Variants in PTPRN2 observed in about 807,000 individuals in gnomAD.
PTPRN2 encodes the protein protein tyrosine phosphatase receptor type N2.
In PTPRN2, 74 loss-of-function variants were observed where a neutral mutation model predicts 118.8. The observed-to-expected ratio is 0.62, with a 90% CI of 0.52 to 0.76. The LOEUF (loss-of-function observed/expected upper bound fraction) is 0.76, where lower values mean the gene tolerates loss of function less well. PTPRN2 is among the 30% of genes least tolerant of loss of function. The pLI, the probability that PTPRN2 is intolerant of heterozygous loss-of-function variation, is 0.00. For synonymous variants in PTPRN2, 641 were observed against 608.0 expected (o/e 1.05, Z -0.80); for missense variants, 1,481 against 1,394.4 (o/e 1.06, Z -0.99).
chr7:158,425,119 A>G (rs1378879857), intron 2 of PTPRN2, among the ~76,000 whole-genome samples: 1 of 152,256 alleles, frequency 6.6e-6, no homozygotes, highest in Non-Finnish European at 1.5e-5. Flanking sequence ...AGAACCCAAA[A>G]CAATAGGCTG....
intron 11 of PTPRN2, among the ~76,000 whole-genome samples, chr7:158,071,243 T>C (rs1159276391): frequency 4.5e-5 from 3 of 67,386 alleles, no homozygotes; most frequent in Admixed American, 1.9e-4. Flanking sequence ...GTGGAGGTGC[T>C]CGTAGTATGG....
At chr7:157,847,751 C>A (rs1436247911) in intron 12 of PTPRN2, among the ~76,000 whole-genome samples, 1 of 135,136 alleles carries the variant, frequency 7.4e-6, no homozygotes, top group Admixed American at 7.3e-5. Context: ...CCCTCTCTCA[C>A]TCCATCATGC....
At chr7:158,521,285 A>G (rs1312434391) in intron 1 of PTPRN2, among the ~76,000 whole-genome samples, 2 of 152,220 alleles carry the variant, frequency 1.3e-5, no homozygotes, top group Admixed American at 6.5e-5. Context: ...CTGAGAAAAC[A>G]TCTAGACCAA....
At chr7:158,080,070 A>G (rs1446999693) in intron 11 of PTPRN2, among the ~76,000 whole-genome samples, 1 of 152,142 alleles carries the variant, frequency 6.6e-6, no homozygotes, top group Non-Finnish European at 1.5e-5. Context: ...TACTGAGGGC[A>G]CGAGGATATC....
In PTPRN2 at chr7:158,587,570, G is replaced by A. The variant is rs1372032664; in HGVS notation, c.100C>T (p.Pro34Ser). Reference protein sequence around the residue: ...PSSVPRGRQLPGRLGCLLEEG... With the variant: ...PSSVPRGRQLSGRLGCLLEEG... ...GCCCCCCACTCACCCAGACGCCCCG[G>A]GAGCTGCCGGCCGCGGGGGACGGAC... is the stretch of plus-strand genomic sequence containing the variant. Residue 34 changes from proline (P) to serine (S), a missense_variant, in exon 1 of 23, where the codon CCG (proline) becomes TCG (serine). Pro to Ser is a moderately conservative substitution (Grantham distance 74). This residue lies in a region of PTPRN2 where 1,115 missense variants were observed against 994.2 expected (regional missense o/e 1.12). Transcript: ENST00000389418. 1.5e-6 allele frequency: 2 copies of A among 1,335,198 alleles called. No homozygotes were observed. Among genetic ancestry groups the A allele is most frequent in the Admixed American group, 7.7e-5 (2 of 25,852 alleles). 82.7% of individuals were successfully genotyped at this position (1,335,198 alleles called of 1,614,324 possible).
intron 10 of PTPRN2, among the ~76,000 whole-genome samples, chr7:158,084,008 C>G (rs953393319): frequency 9.2e-5 from 14 of 152,248 alleles, no homozygotes; most frequent in Non-Finnish European, 2.1e-4. Context: ...AGTCACTGTT[C>G]TGTGGCCCTC....
intron 3 of PTPRN2, among the ~76,000 whole-genome samples, chr7:158,255,436 C>G (rs1272676582): frequency 6.6e-6 from 1 of 152,186 alleles, no homozygotes; most frequent in Non-Finnish European, 1.5e-5. Flanking sequence ...GGCCACTCCA[C>G]CACCAAAGAT....
intron 2 of PTPRN2, among the ~76,000 whole-genome samples, chr7:158,412,849 T>C (rs1814278104): frequency 7.9e-6 from 1 of 126,508 alleles, no homozygotes; most frequent in South Asian, 2.8e-4. Flanking sequence ...TCCAGTGCCC[T>C]CCTCAGCACC....
chr7:157,925,513 A>G (rs570053300), intron 11 of PTPRN2, among the ~76,000 whole-genome samples: 1 of 152,288 alleles, frequency 6.6e-6, no homozygotes, highest in Non-Finnish European at 1.5e-5. Context: ...CCGGGTCCCA[A>G]CCTGGCCTGG....
intron 12 of PTPRN2, among the ~76,000 whole-genome samples, chr7:157,734,254 C>G (rs928225063): frequency 1.3e-5 from 1 of 76,348 alleles, no homozygotes; most frequent in Admixed American, 1.2e-4. Context: ...GCACACTCTT[C>G]CGTCCCATGT....
At chr7:157,551,539 C>G (rs184418583) in intron 21 of PTPRN2, among the ~76,000 whole-genome samples, 7 of 149,932 alleles carry the variant, frequency 4.7e-5, no homozygotes, top group African/African-American at 1.7e-4. Context: ...CCCCACACAC[C>G]CCACAGCCAC....
At chr7:157,910,339 G>A (rs1026155701) in intron 11 of PTPRN2, among the ~76,000 whole-genome samples, 5 of 149,970 alleles carry the variant, frequency 3.3e-5, no homozygotes, top group South Asian at 2.1e-4. Flanking sequence ...CACGTACGCC[G>A]TGGGAACGGG....
chr7:157,839,770 T>G (rs1442426337), intron 12 of PTPRN2, among the ~76,000 whole-genome samples: 1 of 151,818 alleles, frequency 6.6e-6, no homozygotes, highest in Non-Finnish European at 1.5e-5. Context: ...TGTGCGTGAC[T>G]ATGTAACCAT....
At chr7:158,548,530 G>T (rs557320384) in intron 1 of PTPRN2, among the ~76,000 whole-genome samples, 2 of 152,286 alleles carry the variant, frequency 1.3e-5, no homozygotes, top group African/African-American at 4.8e-5. Flanking sequence ...ATGACCAGGG[G>T]GCTCTTCCTA....
rs374841183 is a variant in PTPRN2 at position 157,966,525 on chromosome 7, CCAT to C, written c.1724-67791_1724-67789del. Among the ~76,000 whole-genome samples the C allele has an allele frequency of 1.2e-4, 18 of 152,048 alleles. No homozygotes were observed. In the East Asian group the frequency reaches 2.9e-3, roughly 25 times the overall value. On this transcript the variant is annotated intron_variant, in intron 11 of 22. Coordinates refer to ENST00000389418, the MANE Select transcript of PTPRN2 (RefSeq NM_002847.5). ...ATCATCACCATCATCTTCATCACCA[CCAT>C]CATCTTCATTATCACCATCACAATT...
intron 12 of PTPRN2, among the ~76,000 whole-genome samples, chr7:157,850,981 GGT>G (rs1809237118): frequency 6.6e-6 from 1 of 152,226 alleles, no homozygotes; most frequent in South Asian, 2.1e-4. Flanking sequence ...TGGGGTGAAG[GGT>G]GGAAGAGAAA....
At chr7:158,151,037 C>G (rs1585644475) in intron 6 of PTPRN2, among the ~76,000 whole-genome samples, 1 of 147,510 alleles carries the variant, frequency 6.8e-6, no homozygotes, top group African/African-American at 2.5e-5. Context: ...CTGTCACTGT[C>G]CTGCCCCTGC....
chr7:158,437,636 G>A lies in PTPRN2; in HGVS notation c.163+52099C>T, dbSNP rs139992581. Among the ~76,000 whole-genome samples the A allele has an allele frequency of 3.4e-3, 522 of 152,266 alleles. 6 individuals carry two copies. The highest frequency in any genetic ancestry group is 0.012 in the African/African-American group (491 of 41,564). ...CCTGGGGTTTATCCTCACACCTATG[G>A]CATGACCCATCCGGGGCTGGGACCT... is the stretch of plus-strand genomic sequence containing the variant. On this transcript the variant is annotated intron_variant, in intron 2 of 22. Coordinates refer to ENST00000389418, the MANE Select transcript of PTPRN2 (RefSeq NM_002847.5).
At chr7:157,650,833 C>T (rs1045515072) in intron 14 of PTPRN2, among the ~76,000 whole-genome samples, 3 of 152,190 alleles carry the variant, frequency 2.0e-5, no homozygotes, top group South Asian at 2.1e-4. Context: ...CATGGTTTCG[C>T]GAGGCCCTCC....
Sources: allele counts gnomAD v4.1 joint callset (sites outside exome capture counted in the v4.1 genomes callset), GRCh38; gene constraint gnomAD v4.1.1; regional missense constraint gnomAD v4.1.1; transcripts MANE v1.5; gene names NCBI Gene and HGNC (gene_info 2026-07-23, HGNC 2026-07-21).